The following C3AR1 variants were observed in gnomAD, a reference collection of about 807,000 sequenced individuals.
C3AR1 encodes the protein complement C3a receptor 1.
For missense variants in C3AR1, 579 were observed against 583.5 expected, an observed-to-expected ratio of 0.99 and a Z score of 0.08; for synonymous variants, 208 against 225.3, an observed-to-expected ratio of 0.92 and a Z score of 0.69.
chr12:8,061,832 A>T (rs1372358142), intron 1 of C3AR1, among the ~76,000 whole-genome samples: 1 of 152,164 alleles, frequency 6.6e-6, no homozygotes, highest in Non-Finnish European at 1.5e-5. Flanking sequence ...TTAAGTACAC[A>T]GTTCAGTAGT....
At chr12:8,062,909 A>G (rs112626788) in intron 1 of C3AR1, among the ~76,000 whole-genome samples, 148 of 148,496 alleles carry the variant, frequency 1.0e-3, no homozygotes, top group African/African-American at 3.6e-3. Flanking sequence ...TCGGCCTCCC[A>G]AAGTGTTGGG....
At chr12:8,060,295 A>G (rs1947262315) in intron 1 of C3AR1, 100 bp from the exon 2 acceptor site, 1 of 1,015,582 alleles carries the variant, frequency 9.8e-7, no homozygotes, top group Non-Finnish European at 1.5e-6. Flanking sequence ...ATGTGGGATC[A>G]TGAAACCAGA....
rs1947220749 is a variant in C3AR1 at position 8,058,635 on chromosome 12, G to T, written c.*102C>A. 2.3e-6 allele frequency: 3 copies of T among 1,277,608 alleles called. No homozygotes were observed. The highest frequency in any genetic ancestry group is 2.2e-6 in the Non-Finnish European group (2 of 918,786). The allele number at this position is 1,277,608 out of a possible 1,614,324, so 79.1% of individuals were successfully genotyped here. On this transcript the variant is annotated 3_prime_UTR_variant, in exon 2 of 2. Coordinates refer to ENST00000307637, the MANE Select transcript of C3AR1 (RefSeq NM_004054.4). ...TTGAGAACCGCTGGATTGATTCTTT[G>T]ACAGTTTTTGAAGTCCGCTGCTCAC...
rs767684150 is a variant in C3AR1, at chr12:8,057,593, C to G, written c.*1144G>C. Among the ~76,000 whole-genome samples the G allele has an allele frequency of 4.6e-5, 7 of 152,122 alleles. No individual in the cohort carries two copies. Among genetic ancestry groups the G allele is most frequent in the African/African-American group, 1.7e-4 (7 of 41,490 alleles). On this transcript the variant is annotated 3_prime_UTR_variant, in exon 2 of 2. Transcript: ENST00000307637. ...GGAGACCTCATATTTCATTATATAC[C>G]TTATTAAATTATTTTAAAACTATGT...
intron 1 of C3AR1, among the ~76,000 whole-genome samples, chr12:8,065,965 A>T (rs1197964782): frequency 6.6e-6 from 1 of 152,176 alleles, no homozygotes; most frequent in Non-Finnish European, 1.5e-5. Context: ...AAAAAAGTGC[A>T]ATCAATTATT....
In C3AR1 at chr12:8,059,529, ATTTG is replaced by A. The variant is rs766015195; in HGVS notation, c.653_656del (p.Thr218MetfsTer31). On this transcript the variant is annotated frameshift_variant, in exon 2 of 2. Transcript: ENST00000307637. LOFTEE classifies it low-confidence loss of function (END_TRUNC). ...CAGTGGGGACTGTCCAAGGATGATC[ATTTG>A]TTTGGAAAGAGGAAGGATCTAACCT... 5 of 1,614,200 alleles carry A rather than the reference ATTTG, an allele frequency of 3.1e-6. No individual in the cohort carries two copies. In the African/African-American group the frequency reaches 5.3e-5, roughly 17 times the overall value.
Position 8,059,128 on chromosome 12 carries a change from A to G in C3AR1, c.1058T>C (p.Ile353Thr), listed in dbSNP as rs2120379922. 1 of 1,614,226 alleles carries G rather than the reference A, an allele frequency of 6.2e-7. No individual in the cohort carries two copies. Among genetic ancestry groups the G allele is most frequent in the Non-Finnish European group, 8.5e-7 (1 of 1,180,034 alleles). ...VGFLLPSVIM[I>T]ACYSFIVFRM... ...GAAGACAATGAAGCTGTAACAGGCTATCATGATAACAGAGGGCAGCAGGAA... is the reference window on the plus strand; with the variant it reads ...GAAGACAATGAAGCTGTAACAGGCTGTCATGATAACAGAGGGCAGCAGGAA... Residue 353 changes from isoleucine (I) to threonine (T), a missense_variant, in exon 2 of 2, where the codon ATA becomes ACA. By Grantham distance (89) the Ile-to-Thr change is moderately conservative (BLOSUM62 -1). Coordinates refer to ENST00000307637, the MANE Select transcript of C3AR1 (RefSeq NM_004054.4).
Position 8,059,318 on chromosome 12 carries a change from G to A in C3AR1, c.868C>T (p.Leu290Phe). 1 of 1,614,214 alleles carries A rather than the reference G, an allele frequency of 6.2e-7. No homozygotes were observed. Among genetic ancestry groups the A allele is most frequent in the Non-Finnish European group, 8.5e-7 (1 of 1,180,036 alleles). ...TSPLDNSDAF[L>F]STHLKLFPSA... ...GGGAACAGCTTTAAATGAGTAGAGA[G>A]AAAAGCATCAGAGTTATCCAGTGGG... Residue 290 changes from leucine (L) to phenylalanine (F), a missense_variant, in exon 2 of 2, where the codon CTC (leucine) becomes TTC (phenylalanine). Transcript: ENST00000307637.
At position 8,058,010 on chromosome 12, in the gene C3AR1, C is replaced by G. The variant is rs1336806121; in HGVS notation, c.*727G>C. Among the ~76,000 whole-genome samples the G allele has an allele frequency of 1.3e-5, 2 of 152,130 alleles. No individual in the cohort carries two copies. The highest frequency in any genetic ancestry group is 2.9e-5 in the Non-Finnish European group (2 of 68,022). On this transcript the variant is annotated 3_prime_UTR_variant, in exon 2 of 2. Coordinates refer to ENST00000307637, the MANE Select transcript of C3AR1 (RefSeq NM_004054.4). ...AGAAACAGAACTCCCCAAACCACAG[C>G]TTTCATAACATTTCATGAGTCAGTT...
At position 8,066,269 on chromosome 12, in the gene C3AR1, T is replaced by C. The variant is rs370403393; in HGVS notation, c.-11+9A>G. ...GCACAAGTCATCAGGTAGGTCTAGG[T>C]TTTCTTACCAAAAAACTGAGACAGT... On this transcript the variant is annotated intron_variant, in intron 1 of 1. Transcript: ENST00000307637. The C allele has an allele frequency of 1.1e-4, 16 of 152,120 alleles. No individual in the cohort carries two copies. In the East Asian group the frequency reaches 2.9e-3, roughly 28 times the overall value. 9.4% of individuals were successfully genotyped at this position (152,120 alleles called of 1,614,324 possible).
Position 8,057,426 on chromosome 12 carries a change from T to C in C3AR1, c.*1311A>G, listed in dbSNP as rs1236184139. On this transcript the variant is annotated 3_prime_UTR_variant, in exon 2 of 2. Transcript: ENST00000307637. The stretch of plus-strand genomic sequence containing the variant: ...CATCTTTCAAAACAAGAAGTCGTTT[T>C]ATCATGCCTCCAGAAAAGAGCAGCA... Among the ~76,000 whole-genome samples the C allele has an allele frequency of 4.6e-5, 7 of 152,192 alleles. No homozygotes were observed. Among genetic ancestry groups the C allele is most frequent in the African/African-American group, 1.7e-4 (7 of 41,444 alleles).
Position 8,058,476 on chromosome 12 carries a change from C to T in C3AR1, c.*261G>A, listed in dbSNP as rs773568611. ...TCTTACATTTAGCATTAATCAGAAA[C>T]GAGGGTTTGTTAAGTGCCCTTGCTG... On this transcript the variant is annotated 3_prime_UTR_variant, in exon 2 of 2. Transcript: ENST00000307637. The T allele has an allele frequency of 1.7e-5, 7 of 400,160 alleles. No homozygotes were observed. Among genetic ancestry groups the T allele is most frequent in the Non-Finnish European group, 3.1e-5 (7 of 223,286 alleles). The allele number at this position is 400,160 out of a possible 1,614,324, so 24.8% of individuals were successfully genotyped here. A position where few individuals can be genotyped will look rare whatever the true frequency, so the allele number is the denominator to read the frequency against.
intron 1 of C3AR1, among the ~76,000 whole-genome samples, chr12:8,063,152 T>A (rs1947294338): frequency 1.3e-5 from 2 of 149,068 alleles, no homozygotes; most frequent in African/African-American, 5.0e-5. Context: ...GAGACGGGGT[T>A]TCACCATGTT....
Position 8,059,662 on chromosome 12 carries a change from T to C in C3AR1, c.524A>G (p.Lys175Arg). 3 of 1,614,082 alleles carry C rather than the reference T, an allele frequency of 1.9e-6. No homozygotes were observed. Among genetic ancestry groups the C allele is most frequent in the Non-Finnish European group, 2.5e-6 (3 of 1,180,008 alleles). ...TTDNHNRCGY[K>R]FGLSSSLDYP... ...ATCTAATGAGCTGGAGAGACCAAATTTGTAGCCACATCTATTATGGTTGTC... is the reference window on the plus strand; with the variant it reads ...ATCTAATGAGCTGGAGAGACCAAATCTGTAGCCACATCTATTATGGTTGTC... Residue 175 changes from lysine (K) to arginine (R), a missense_variant, in exon 2 of 2, where the codon AAA (lysine) becomes AGA (arginine). Transcript: ENST00000307637.
At position 8,058,655 on chromosome 12, in the gene C3AR1, G is replaced by C. The variant is rs1565634570; in HGVS notation, c.*82C>G. 6.9e-7 allele frequency: 1 copy of C among 1,446,960 alleles called. No homozygotes were observed. The highest frequency in any genetic ancestry group is 9.4e-7 in the Non-Finnish European group (1 of 1,069,242). The allele number at this position is 1,446,960 out of a possible 1,614,324, so 89.6% of individuals were successfully genotyped here. A position where few individuals can be genotyped will look rare whatever the true frequency, so the allele number is the denominator to read the frequency against. ...TCTTTGACAGTTTTTGAAGTCCGCT[G>C]CTCACCATATCACTTCATCCTCTTA... is the stretch of plus-strand genomic sequence containing the variant. On this transcript the variant is annotated 3_prime_UTR_variant, in exon 2 of 2. Transcript: ENST00000307637.
intron 1 of C3AR1, among the ~76,000 whole-genome samples, chr12:8,062,949 CTTTTTTTTTTTTTTT>C (rs71451936): frequency 8.9e-5 from 5 of 56,316 alleles, no homozygotes; most frequent in Admixed American, 4.7e-4. Flanking sequence ...GCGCCCGGCC[CTTTTTTTTTTTTTTT>C]TTTTTTTTTT....
chr12:8,059,514 T>C lies in C3AR1; in HGVS notation c.672A>G (p.Thr224=). The C allele has an allele frequency of 6.2e-7, 1 of 1,614,220 alleles. No homozygotes were observed. Among genetic ancestry groups the C allele is most frequent in the Non-Finnish European group, 8.5e-7 (1 of 1,180,030 alleles). ...TTTGAGGTTGGAAGACAGTGGGGAC[T>C]GTCCAAGGATGATCATTTGTTTGGA... ...SSFQTNDHPW[T]VPTVFQPQTF... The change falls in exon 2 of 2, where the codon ACA becomes ACG. Residue 224 remains threonine (T), a synonymous_variant. Coordinates refer to ENST00000307637, the MANE Select transcript of C3AR1 (RefSeq NM_004054.4).
At chr12:8,064,701 A>AAAAAAAG in intron 1 of C3AR1, among the ~76,000 whole-genome samples, 1 of 151,400 alleles carries the variant, frequency 6.6e-6, no homozygotes, top group Non-Finnish European at 1.5e-5. Flanking sequence ...AAAAAAAAAA[A>AAAAAAAG]AGAAGAAGAA....
chr12:8,062,211 T>C (rs895050123), intron 1 of C3AR1, among the ~76,000 whole-genome samples: 1 of 152,266 alleles, frequency 6.6e-6, no homozygotes, highest in African/African-American at 2.4e-5. Flanking sequence ...CTTTTGACTA[T>C]TGTGAATTAT....
Sources: allele counts gnomAD v4.1 joint callset (sites outside exome capture counted in the v4.1 genomes callset), GRCh38; gene constraint gnomAD v4.1.1; transcripts MANE v1.5; gene names NCBI Gene and HGNC (gene_info 2026-07-23, HGNC 2026-07-21).